Variants in PTPRD observed in about 807,000 individuals in gnomAD.
The protein encoded by PTPRD is protein tyrosine phosphatase receptor type D.
Under a neutral mutation model 214.5 loss-of-function variants are expected in PTPRD, and 34 were observed. The observed-to-expected ratio is 0.16, with a 90% confidence interval of 0.12 to 0.21. The LOEUF is 0.21. Among genes scored for constraint, PTPRD ranks in the 10% least tolerant of loss-of-function variants. PTPRD has a pLI of 1.00. For synonymous variants in PTPRD, 1,128 were observed against 845.7 expected, an observed-to-expected ratio of 1.33 and a Z score of -5.79; for missense variants, 2,545 against 2,398.7, an observed-to-expected ratio of 1.06 and a Z score of -1.27.
At chr9:9,248,499 C>CA (rs375896237) in intron 9 of PTPRD, among the ~76,000 whole-genome samples, 48 of 152,110 alleles carry the variant, frequency 3.2e-4, no homozygotes, top group African/African-American at 1.2e-3. Flanking sequence ...GTTAGGGCAA[C>CA]ATTTAGTAAG....
intron 9 of PTPRD, among the ~76,000 whole-genome samples, chr9:9,258,397 T>G (rs552684541): frequency 6.6e-6 from 1 of 151,776 alleles, no homozygotes; most frequent in Non-Finnish European, 1.5e-5. Flanking sequence ...TTCTGGTTAG[T>G]TTTTCATTTA....
intron 30 of PTPRD, among the ~76,000 whole-genome samples, chr9:8,474,740 G>GA (rs1565107826): frequency 6.6e-6 from 1 of 152,078 alleles, no homozygotes; most frequent in East Asian, 1.9e-4. Context: ...TATATAAAGA[G>GA]AAAATGCAAA....
chr9:10,040,394 T>C (rs1438128651), intron 3 of PTPRD, among the ~76,000 whole-genome samples: 1 of 152,066 alleles, frequency 6.6e-6, no homozygotes, highest in Non-Finnish European at 1.5e-5. Context: ...GGAGCAGATG[T>C]GCTTCTGCCC....
At chr9:9,910,000 TG>T (rs1378587784) in intron 5 of PTPRD, among the ~76,000 whole-genome samples, 1 of 151,968 alleles carries the variant, frequency 6.6e-6, no homozygotes, top group East Asian at 1.9e-4. Context: ...AATTCCTTGG[TG>T]TTACTATTTT....
chr9:8,583,187 G>A (rs1318537878), intron 14 of PTPRD, among the ~76,000 whole-genome samples: 3 of 152,118 alleles, frequency 2.0e-5, no homozygotes, highest in Non-Finnish European at 4.4e-5. Flanking sequence ...AGAATCTAAC[G>A]CCTCCACTGA....
intron 9 of PTPRD, among the ~76,000 whole-genome samples, chr9:9,319,277 T>C (rs572769737): frequency 6.6e-6 from 1 of 152,296 alleles, no homozygotes; most frequent in African/African-American, 2.4e-5. Context: ...ATTCCAGTGT[T>C]TGGGAGTGCC....
intron 12 of PTPRD, among the ~76,000 whole-genome samples, chr9:8,645,124 C>G (rs963996952): frequency 6.6e-6 from 1 of 152,176 alleles, no homozygotes; most frequent in Non-Finnish European, 1.5e-5. Context: ...TACTGATTGT[C>G]TTCTCAAGGG....
chr9:9,890,621 G>A (rs763941011), intron 5 of PTPRD, among the ~76,000 whole-genome samples: 2 of 152,034 alleles, frequency 1.3e-5, no homozygotes, highest in Non-Finnish European at 2.9e-5. Flanking sequence ...ATAAAGAGCA[G>A]GTTCTGGGAT....
intron 11 of PTPRD, among the ~76,000 whole-genome samples, chr9:8,865,218 G>A (rs1057003178): frequency 6.6e-6 from 1 of 152,100 alleles, no homozygotes; most frequent in Admixed American, 6.6e-5. Flanking sequence ...AAATTTTTCA[G>A]TACAGGAGGC....
At chr9:8,498,123 A>G (rs1332509928) in intron 25 of PTPRD, among the ~76,000 whole-genome samples, 4 of 152,178 alleles carry the variant, frequency 2.6e-5, no homozygotes, top group African/African-American at 7.2e-5. Context: ...CTCGGGGTAG[A>G]TAAGTGAGCA....
chr9:9,815,572 A>G (rs2048490778), intron 5 of PTPRD, among the ~76,000 whole-genome samples: 1 of 152,172 alleles, frequency 6.6e-6, no homozygotes, highest in Non-Finnish European at 1.5e-5. Flanking sequence ...CAAAATGTAA[A>G]GAAATCCTAC....
intron 4 of PTPRD, among the ~76,000 whole-genome samples, chr9:9,948,332 A>G (rs2093047042): frequency 6.6e-6 from 1 of 152,066 alleles, no homozygotes; most frequent in Non-Finnish European, 1.5e-5. Context: ...AGATTGGGAT[A>G]TTCTAGGAAG....
chr9:8,594,449 A>G (rs541113838), intron 14 of PTPRD, among the ~76,000 whole-genome samples: 2 of 152,262 alleles, frequency 1.3e-5, no homozygotes, highest in South Asian at 4.2e-4. Flanking sequence ...AAATCCTGGC[A>G]AACAACTCCA....
chr9:9,795,939 T>C lies in PTPRD; in HGVS notation c.-367-29088A>G, dbSNP rs563633817. Among the ~76,000 whole-genome samples the C allele has an allele frequency of 9.4e-4, 143 of 152,292 alleles. 2 individuals are homozygous for C. The highest frequency in any genetic ancestry group is 1.9e-3 in the Non-Finnish European group (129 of 68,024). On this transcript the variant is annotated intron_variant, in intron 5 of 45. Transcript: ENST00000381196. Reference sequence around the variant, plus strand: ...CTCTCTACAGAAACTATCACAGGATTGTTTCTATGTGAAGAATATATCAAT... The same window carrying C: ...CTCTCTACAGAAACTATCACAGGATCGTTTCTATGTGAAGAATATATCAAT...
chr9:10,474,298 C>T (rs1381030322), intron 2 of PTPRD, among the ~76,000 whole-genome samples: 1 of 107,748 alleles, frequency 9.3e-6, no homozygotes, highest in African/African-American at 3.3e-5. Flanking sequence ...ATTTACCAAG[C>T]AAATGGAAAG....
chr9:10,477,088 TA>T (rs1323620478), intron 2 of PTPRD, among the ~76,000 whole-genome samples: 1 of 152,010 alleles, frequency 6.6e-6, no homozygotes, highest in Non-Finnish European at 1.5e-5. Flanking sequence ...AGTTCATGAC[TA>T]AAACACAAAA....
At chr9:10,253,171 A>G (rs2092941796) in intron 3 of PTPRD, among the ~76,000 whole-genome samples, 1 of 152,180 alleles carries the variant, frequency 6.6e-6, no homozygotes, top group Non-Finnish European at 1.5e-5. Context: ...AAAATTTCTG[A>G]TATGTAGAAA....
intron 6 of PTPRD, among the ~76,000 whole-genome samples, chr9:9,757,403 A>C (rs951504356): frequency 1.3e-5 from 2 of 152,204 alleles, no homozygotes; most frequent in African/African-American, 4.8e-5. Context: ...GTCTTTCATA[A>C]GCAACTGAAA....
At position 10,476,749 on chromosome 9, in the gene PTPRD, C is replaced by T. The variant is rs541872516; in HGVS notation, c.-600+135649G>A. Among the ~76,000 whole-genome samples, 278 of 152,110 alleles carry T rather than the reference C, an allele frequency of 1.8e-3. 2 individuals are homozygous for T. Among genetic ancestry groups the T allele is most frequent in the Non-Finnish European group, 1.4e-3 (98 of 68,020 alleles). ...CCTGACTTCAAACTACATTACAAGG[C>T]AACAGTAACCAAAACAGCATGGTAC... On this transcript the variant is annotated intron_variant, in intron 2 of 45. Transcript: ENST00000381196.
Sources: gnomAD v4.1 joint callset for allele counts (sites outside exome capture counted in the v4.1 genomes callset) on GRCh38, gnomAD v4.1.1 for gene constraint, MANE v1.5 for transcripts, NCBI Gene and HGNC (gene_info 2026-07-23, HGNC 2026-07-21) for gene names.